TEK: variants seen among roughly 807,000 people sequenced by gnomAD.
TEK encodes the protein angiopoietin-1 receptor.
In TEK, 43 loss-of-function variants were observed where a neutral mutation model predicts 131.8. The ratio of observed to expected loss-of-function variants is 0.33; its 90% CI spans 0.26 to 0.42. TEK has a LOEUF of 0.42. TEK is among the 10% of genes least tolerant of loss of function. The pLI, the probability that TEK is intolerant of heterozygous loss-of-function variation, is 1.00. For missense variants in TEK, 1,162 were observed against 1,384.4 expected (o/e 0.84, Z 2.55); for synonymous variants, 580 against 491.6 (o/e 1.18, Z -2.38).
At chr9:27,129,277 A>G (rs967494870) in intron 1 of TEK, among the ~76,000 whole-genome samples, 2 of 152,046 alleles carry the variant, frequency 1.3e-5, no homozygotes, top group African/African-American at 2.4e-5. Context: ...TATGTTTGTA[A>G]CATAAAATTT....
rs1162036701 is a variant in TEK at position 27,185,637 on chromosome 9, C to T, written c.1327+8C>T. 1 of 1,613,346 alleles carries T rather than the reference C, an allele frequency of 6.2e-7. No homozygotes were observed. Among genetic ancestry groups the T allele is most frequent in the African/African-American group, 1.3e-5 (1 of 74,860 alleles). On this transcript the variant is annotated splice_region_variant and intron_variant, in intron 9 of 22. Coordinates refer to ENST00000380036, the MANE Select transcript of TEK (RefSeq NM_000459.5). The stretch of plus-strand genomic sequence containing the variant: ...TCAACATTTCTGTTAAAGGTAAGTT[C>T]ATTTCCCAGAAAAAGGGATTGTGTC...
At chr9:27,116,955 A>G (rs1483859935) in intron 1 of TEK, among the ~76,000 whole-genome samples, 8 of 142,454 alleles carry the variant, frequency 5.6e-5, no homozygotes, top group African/African-American at 2.6e-5. Flanking sequence ...TCCGCTTCCC[A>G]GGTTCACACC....
At chr9:27,211,591 G>T (rs10967772) in intron 16 of TEK, among the ~76,000 whole-genome samples, 50,040 of 151,676 alleles carry the variant, frequency 0.33, 9,203 homozygotes, top group East Asian at 0.58. Flanking sequence ...CTCCCAAGTA[G>T]CTGGGACTAC....
intron 18 of TEK, among the ~76,000 whole-genome samples, chr9:27,215,523 T>C (rs1278055615): frequency 1.3e-5 from 2 of 151,848 alleles, no homozygotes; most frequent in African/African-American, 4.8e-5. Flanking sequence ...GTGGATATTC[T>C]GATTCAATTG....
chr9:27,173,185 A>G, intron 5 of TEK, 37 bp from the exon 6 acceptor site: 1 of 1,613,580 alleles, frequency 6.2e-7, no homozygotes. Flanking sequence ...GGGGTTGCAT[A>G]TTTGACTCTG....
At chr9:27,159,368 A>G (rs1823461284) in intron 2 of TEK, among the ~76,000 whole-genome samples, 2 of 152,148 alleles carry the variant, frequency 1.3e-5, no homozygotes, top group Non-Finnish European at 2.9e-5. Context: ...TTATCAACCT[A>G]AGCCAGTTAA....
At chr9:27,183,393 T>C in intron 7 of TEK, 66 bp from the exon 8 acceptor site, 1 of 1,571,008 alleles carries the variant, frequency 6.4e-7, no homozygotes. Flanking sequence ...GTAGCTATTT[T>C]TATTATTACT....
intron 21 of TEK, among the ~76,000 whole-genome samples, chr9:27,226,196 A>G (rs553837806): frequency 6.6e-6 from 1 of 152,358 alleles, no homozygotes; most frequent in African/African-American, 2.4e-5. Flanking sequence ...ATCTAGAATT[A>G]GAAATACCAT....
Position 27,185,728 on chromosome 9 carries a change from T to C in TEK, c.1327+99T>C, listed in dbSNP as rs1402735118. The C allele has an allele frequency of 3.4e-6, 5 of 1,489,182 alleles. No homozygotes were observed. The African/African-American group carries it at 4.2e-5, about 12-fold the overall frequency. 92.2% of individuals were successfully genotyped at this position (1,489,182 alleles called of 1,614,324 possible). A position where few individuals can be genotyped will look rare whatever the true frequency, so the allele number is the denominator to read the frequency against. The stretch of plus-strand genomic sequence containing the variant: ...AATGTATGCGACCACTAAAATACCT[T>C]TGGGGTAATTTCCAGGATAGTAAGC... On this transcript the variant is annotated intron_variant, in intron 9 of 22. Coordinates refer to ENST00000380036, the MANE Select transcript of TEK (RefSeq NM_000459.5).
chr9:27,226,893 T>G (rs1384822009), intron 21 of TEK, among the ~76,000 whole-genome samples: 1 of 152,134 alleles, frequency 6.6e-6, no homozygotes, highest in Non-Finnish European at 1.5e-5. Context: ...TGCAAGGCTC[T>G]AGGTTGAGCA....
chr9:27,146,720 A>ATTT lies in TEK; in HGVS notation c.53-11093_53-11091dup, dbSNP rs34727945. Among the ~76,000 whole-genome samples the ATTT allele has an allele frequency of 3.1e-3, 352 of 113,664 alleles. 4 individuals are homozygous for ATTT. Among genetic ancestry groups the ATTT allele is most frequent in the African/African-American group, 9.5e-3 (287 of 30,102 alleles). 74.6% of individuals were successfully genotyped at this position (113,664 alleles called of 152,430 possible). On this transcript the variant is annotated intron_variant, in intron 1 of 22. Transcript: ENST00000380036. ...TAAATAGAGCTGCTATAAACATTCT[A>ATTT]TTTTTTTTTTTTTTTTTTTTGGCGG...
At chr9:27,194,713 C>G (rs962399678) in intron 11 of TEK, among the ~76,000 whole-genome samples, 1 of 152,114 alleles carries the variant, frequency 6.6e-6, no homozygotes, top group Admixed American at 6.5e-5. Context: ...GCCAGGAGGT[C>G]TCTCAGAATA....
At chr9:27,191,854 G>A in intron 10 of TEK, 1 of 446,240 alleles carries the variant, frequency 2.2e-6, no homozygotes, top group Non-Finnish European at 4.5e-6. Context: ...TCTAAGAACT[G>A]TTAAACACAT....
At chr9:27,117,560 C>T (rs2131033843) in intron 1 of TEK, among the ~76,000 whole-genome samples, 1 of 152,266 alleles carries the variant, frequency 6.6e-6, no homozygotes, top group East Asian at 1.9e-4. Context: ...GCTGCAGGAG[C>T]AGGTGTGAAG....
At chr9:27,186,909 A>AACC (rs1824620231) in intron 9 of TEK, among the ~76,000 whole-genome samples, 1 of 152,200 alleles carries the variant, frequency 6.6e-6, no homozygotes, top group Non-Finnish European at 1.5e-5. Context: ...AATCCATATG[A>AACC]ACCACCTCAG....
intron 1 of TEK, among the ~76,000 whole-genome samples, chr9:27,146,798 C>T (rs913775924): frequency 4.1e-5 from 6 of 147,828 alleles, no homozygotes; most frequent in Admixed American, 6.9e-5. Context: ...GGCGTGACCT[C>T]GGCTCACTGC....
At chr9:27,132,808 T>C (rs910244488) in intron 1 of TEK, among the ~76,000 whole-genome samples, 3 of 152,208 alleles carry the variant, frequency 2.0e-5, no homozygotes, top group African/African-American at 7.2e-5. Context: ...CAAATGTGCT[T>C]CTTTAATGAT....
intron 1 of TEK, among the ~76,000 whole-genome samples, chr9:27,147,035 C>T (rs996303353): frequency 6.6e-6 from 1 of 152,106 alleles, no homozygotes; most frequent in Non-Finnish European, 1.5e-5. Flanking sequence ...GGCCAACATT[C>T]ATTGTATGAA....
chr9:27,190,468 T>A, intron 9 of TEK, 61 bp from the exon 10 acceptor site: 1 of 1,605,084 alleles, frequency 6.2e-7, no homozygotes, highest in Non-Finnish European at 8.5e-7. Flanking sequence ...TACCTCTACC[T>A]AAGAACAATC....
Sources: allele counts gnomAD v4.1 joint callset (sites outside exome capture counted in the v4.1 genomes callset), GRCh38; gene constraint gnomAD v4.1.1; transcripts MANE v1.5; gene names NCBI Gene and HGNC (gene_info 2026-07-23, HGNC 2026-07-21).